FCGRT: variants seen among roughly 807,000 people sequenced by gnomAD.
The protein encoded by FCGRT is IgG receptor FcRn large subunit p51.
FCGRT carries 13 observed loss-of-function variants against 35.7 expected under a neutral mutation model. The observed-to-expected ratio is 0.36, with a 90% confidence interval of 0.24 to 0.58. The LOEUF (loss-of-function observed/expected upper bound fraction) is 0.58, where lower values mean the gene tolerates loss of function less well. Among genes scored for constraint, FCGRT ranks in the 20% least tolerant of loss-of-function variants. The pLI is 0.77. For synonymous variants in FCGRT, 233 were observed against 216.5 expected (o/e 1.08, Z -0.67); for missense variants, 455 against 474.9 (o/e 0.96, Z 0.39).
intron 6 of FCGRT, 28 bp downstream of exon 6, chr19:49,525,601 T>A (rs373170275): frequency 2.7e-6 from 4 of 1,499,492 alleles, no homozygotes; most frequent in East Asian, 2.3e-5. Flanking sequence ...GAAGAGCCTC[T>A]GAGAGAGGGA....
chr19:49,517,700 G>C (rs1478655300), intron 4 of FCGRT, among the ~76,000 whole-genome samples: 3 of 151,746 alleles, frequency 2.0e-5, no homozygotes, highest in Non-Finnish European at 4.4e-5. Flanking sequence ...TTTTTTCTTT[G>C]TTTGTTTGTA....
At position 49,526,150 on chromosome 19, in the gene FCGRT, T is replaced by C. The variant is rs1474890084; in HGVS notation, c.*31T>C. 7.1e-7 allele frequency: 1 copy of C among 1,417,382 alleles called. No individual in the cohort carries two copies. The highest frequency in any genetic ancestry group is 1.7e-4 in the Middle Eastern group (1 of 5,724). 87.8% of individuals were successfully genotyped at this position (1,417,382 alleles called of 1,614,324 possible). Reference sequence around the variant, plus strand: ...CGCCATTCCGACTGCTAAAAGCGAATGTAGTCAGGCCCCTTTCATGCTGTG... The same window carrying C: ...CGCCATTCCGACTGCTAAAAGCGAACGTAGTCAGGCCCCTTTCATGCTGTG... On this transcript the variant is annotated 3_prime_UTR_variant, in exon 7 of 7. Transcript: ENST00000221466.
chr19:49,513,355 CG>C, intron 1 of FCGRT, 31 bp from the exon 2 acceptor site: 2 of 438,010 alleles, frequency 4.6e-6, no homozygotes, highest in Non-Finnish European at 6.7e-6. Flanking sequence ...GGCCGGGGGT[CG>C]GGAGGAGTCA....
chr19:49,526,272 TC>T lies in FCGRT; in HGVS notation c.*157del, dbSNP rs1467832416. 1.6e-6 allele frequency: 1 copy of T among 616,674 alleles called. No homozygotes were observed. The highest frequency in any genetic ancestry group is 1.8e-5 in the African/African-American group (1 of 54,272). The allele number at this position is 616,674 out of a possible 1,614,324, so 38.2% of individuals were successfully genotyped here. On this transcript the variant is annotated 3_prime_UTR_variant, in exon 7 of 7. Transcript: ENST00000221466. Reference sequence around the variant, plus strand: ...CCCCGTCCTGTGGTCTGCCTCAGTTTCCCCTCCTAATACATATGGCTGTTTT... The same window carrying T: ...CCCCGTCCTGTGGTCTGCCTCAGTTTCCCTCCTAATACATATGGCTGTTTT...
At chr19:49,513,526 C>T in intron 2 of FCGRT, 53 bp downstream of exon 2, 2 of 1,109,520 alleles carry the variant, frequency 1.8e-6, no homozygotes, top group Non-Finnish European at 1.1e-6. Context: ...CGGGAGGCGG[C>T]CCCAGGCAGG....
rs1373184192 is a variant in FCGRT at position 49,526,172 on chromosome 19, T to A, written c.*53T>A. On this transcript the variant is annotated 3_prime_UTR_variant, in exon 7 of 7. Coordinates refer to ENST00000221466, the MANE Select transcript of FCGRT (RefSeq NM_001136019.3). ...GAATGTAGTCAGGCCCCTTTCATGC[T>A]GTGAGACCTCCTGGAACACTGGCAT... The A allele has an allele frequency of 8.5e-7, 1 of 1,177,564 alleles. No individual in the cohort carries two copies. The highest frequency in any genetic ancestry group is 1.5e-5 in the African/African-American group (1 of 66,622). 72.9% of individuals were successfully genotyped at this position (1,177,564 alleles called of 1,614,324 possible).
intron 4 of FCGRT, among the ~76,000 whole-genome samples, chr19:49,522,050 A>T (rs1041025089): frequency 2.6e-5 from 4 of 151,334 alleles, no homozygotes; most frequent in African/African-American, 9.7e-5. Context: ...ACTTCAATTT[A>T]TACATTTTAT....
intron 4 of FCGRT, among the ~76,000 whole-genome samples, chr19:49,522,039 G>A (rs1424766256): frequency 2.0e-5 from 3 of 151,016 alleles, no homozygotes; most frequent in African/African-American, 4.9e-5. Context: ...TCAGTTTATC[G>A]ACTTCAATTT....
chr19:49,514,613 AG>A, intron 4 of FCGRT, 127 bp downstream of exon 4: 2 of 910,294 alleles, frequency 2.2e-6, no homozygotes, highest in Non-Finnish European at 1.6e-6. Flanking sequence ...CCCATTCCTC[AG>A]GGGTCCTTCT....
intron 2 of FCGRT, 163 bp from the exon 3 acceptor site, chr19:49,513,719 T>TCTCTCTCTCA: frequency 1.7e-6 from 1 of 595,466 alleles, no homozygotes; most frequent in East Asian, 2.9e-5. Flanking sequence ...CTCTTGTCTC[T>TCTCTCTCTCA]CTCTCTCTGG....
Position 49,526,422 on chromosome 19 carries a change from A to G in FCGRT, c.*303A>G, listed in dbSNP as rs1429501787. The stretch of plus-strand genomic sequence containing the variant: ...CGGCTGGGCCTCGGATCTCTCCTAC[A>G]GGTAACATGCTGCCACAGGGGAACC... On this transcript the variant is annotated 3_prime_UTR_variant, in exon 7 of 7. Coordinates refer to ENST00000221466, the MANE Select transcript of FCGRT (RefSeq NM_001136019.3). 4.9e-6 allele frequency: 2 copies of G among 405,878 alleles called. No individual in the cohort carries two copies. The highest frequency in any genetic ancestry group is 4.3e-5 in the Admixed American group (1 of 23,480). The allele number at this position is 405,878 out of a possible 1,614,324, so 25.1% of individuals were successfully genotyped here.
chr19:49,525,171 G>A (rs1014006653), intron 5 of FCGRT: 36 of 511,740 alleles, frequency 7.0e-5, no homozygotes, highest in Middle Eastern at 3.9e-4. Flanking sequence ...CCATGAGACT[G>A]ACTTCCCACT....
Position 49,526,173 on chromosome 19 carries a change from G to A in FCGRT, c.*54G>A, listed in dbSNP as rs1197471633. On this transcript the variant is annotated 3_prime_UTR_variant, in exon 7 of 7. Transcript: ENST00000221466. ...AATGTAGTCAGGCCCCTTTCATGCT[G>A]TGAGACCTCCTGGAACACTGGCATC... is the stretch of plus-strand genomic sequence containing the variant. 8.5e-7 allele frequency: 1 copy of A among 1,174,542 alleles called. No homozygotes were observed. The highest frequency in any genetic ancestry group is 1.3e-6 in the Non-Finnish European group (1 of 783,588). The allele number at this position is 1,174,542 out of a possible 1,614,324, so 72.8% of individuals were successfully genotyped here.
At chr19:49,521,641 T>C (rs1401217000) in intron 4 of FCGRT, 2 of 149,626 alleles carry the variant, frequency 1.3e-5, no homozygotes, top group East Asian at 1.9e-4. Flanking sequence ...AGTGCTGGAA[T>C]TGCAGGCATG....
In FCGRT at chr19:49,524,796, T is replaced by C. The variant is rs2080063854; in HGVS notation, c.871+20T>C. 1.9e-6 allele frequency: 3 copies of C among 1,594,070 alleles called. No homozygotes were observed. The highest frequency in any genetic ancestry group is 8.5e-7 in the Non-Finnish European group (1 of 1,176,830). On this transcript the variant is annotated intron_variant, in intron 5 of 6. Coordinates refer to ENST00000221466, the MANE Select transcript of FCGRT (RefSeq NM_001136019.3). ...AGCTGGGTGAGGTCCCGCCAGGTGGTGATGCTCCTGGTTTCCCGTTGCCTT... is the reference window on the plus strand; with the variant it reads ...AGCTGGGTGAGGTCCCGCCAGGTGGCGATGCTCCTGGTTTCCCGTTGCCTT...
At position 49,524,509 on chromosome 19, in the gene FCGRT, C is replaced by G. The variant is rs868060040; in HGVS notation, c.604C>G (p.Pro202Ala). 1.2e-6 allele frequency: 2 copies of G among 1,605,102 alleles called. No homozygotes were observed. The highest frequency in any genetic ancestry group is 1.7e-4 in the Middle Eastern group (1 of 6,020). ...RGRGNLEWKE[P>A]PSMRLKARPS... ...CCTGTCTGCCTGATTTCCTGCAGAGCCCCCCTCCATGCGCCTGAAGGCCCG... is the reference window on the plus strand; with the variant it reads ...CCTGTCTGCCTGATTTCCTGCAGAGGCCCCCTCCATGCGCCTGAAGGCCCG... The change falls in exon 5 of 7, where the codon CCC becomes GCC. Residue 202 changes from proline to alanine, a missense_variant and splice_region_variant. Around this residue, in one of 3 missense-constraint regions of FCGRT, gnomAD observed 312 missense variants for 296.1 expected, o/e 1.05. Coordinates refer to ENST00000221466, the MANE Select transcript of FCGRT (RefSeq NM_001136019.3).
rs748618846 is a variant in FCGRT at position 49,513,901 on chromosome 19, G to A, written c.93G>A (p.Leu31=). 3 of 1,608,722 alleles carry A rather than the reference G, an allele frequency of 1.9e-6. No individual in the cohort carries two copies. The highest frequency in any genetic ancestry group is 1.7e-5 in the Admixed American group (1 of 59,318). ...SLGAESHLSL[L]YHLTAVSSPA... is the part of the protein sequence containing the mutation. Reference sequence around the variant, plus strand: ...CTGCAGAAAGCCACCTCTCCCTCCTGTACCACCTTACCGCGGTGTCCTCGC... The same window carrying A: ...CTGCAGAAAGCCACCTCTCCCTCCTATACCACCTTACCGCGGTGTCCTCGC... Residue 31 remains leucine (L), a synonymous_variant, in exon 3 of 7, where the codon CTG becomes CTA. Transcript: ENST00000221466.
chr19:49,525,662 GA>G (rs1444078518), intron 6 of FCGRT, 89 bp downstream of exon 6: 2 of 890,786 alleles, frequency 2.2e-6, no homozygotes, highest in Non-Finnish European at 1.8e-6. Flanking sequence ...GAGACCCAGA[GA>G]GGGGGGACAG....
chr19:49,519,239 AG>A (rs1169748710), intron 4 of FCGRT, among the ~76,000 whole-genome samples: 1 of 151,394 alleles, frequency 6.6e-6, no homozygotes, highest in African/African-American at 2.4e-5. Flanking sequence ...ACAAAGCAAA[AG>A]TTTTTAACTT....
Sources: allele counts gnomAD v4.1 joint callset (sites outside exome capture counted in the v4.1 genomes callset), GRCh38; gene constraint gnomAD v4.1.1; regional missense constraint gnomAD v4.1.1; transcripts MANE v1.5; gene names NCBI Gene and HGNC (gene_info 2026-07-23, HGNC 2026-07-21).